The following PDE5A variants were observed in gnomAD, a reference collection of about 807,000 sequenced individuals.
The protein encoded by PDE5A is cGMP-specific 3',5'-cyclic phosphodiesterase.
In PDE5A, 67 loss-of-function variants were observed where a neutral mutation model predicts 110.2. That is an observed-to-expected ratio of 0.61 (90% CI 0.50 to 0.75). The LOEUF is 0.75. PDE5A is among the 30% of genes least tolerant of loss of function. The pLI, the probability that PDE5A is intolerant of heterozygous loss-of-function variation, is 0.00. For synonymous variants in PDE5A, 328 were observed against 351.2 expected (o/e 0.93, Z 0.74); for missense variants, 862 against 1,045.1 (o/e 0.82, Z 2.42).
chr4:119,589,350 T>C (rs577553753), intron 3 of PDE5A, among the ~76,000 whole-genome samples: 1 of 151,930 alleles, frequency 6.6e-6, no homozygotes, highest in Admixed American at 6.6e-5. Context: ...CCACTATAAA[T>C]AAAAAAGAAC....
chr4:119,596,527 T>C lies in PDE5A; in HGVS notation c.827A>G (p.Glu276Gly). The change falls in exon 3 of 21, where the codon GAA becomes GGA. Residue 276 changes from glutamate (E) to glycine (G), a missense_variant. Glu to Gly is a moderately conservative substitution (Grantham distance 98). Coordinates refer to ENST00000354960, the MANE Select transcript of PDE5A (RefSeq NM_001083.4). ...ILCMPIKNHR[E>G]EVVGVAQAIN... ...TAAAATGGAAAATTGGCTTACCTCT[T>C]CCCTATGATTCTTAATTGGCATACA... 1 of 1,570,772 alleles carries C rather than the reference T, an allele frequency of 6.4e-7. No homozygotes were observed. The highest frequency in any genetic ancestry group is 1.2e-5 in the South Asian group (1 of 83,246).
intron 15 of PDE5A, among the ~76,000 whole-genome samples, chr4:119,508,258 G>A (rs989387654): frequency 6.6e-5 from 10 of 152,104 alleles, no homozygotes; most frequent in Admixed American, 2.6e-4. Context: ...GAAAGAAAGC[G>A]TGGGTTGAAA....
chr4:119,502,593 G>C lies in PDE5A; in HGVS notation c.2394C>G (p.Asn798Lys), dbSNP rs1725391419. The C allele has an allele frequency of 1.7e-5, 27 of 1,597,024 alleles. No homozygotes were observed. Among genetic ancestry groups the C allele is most frequent in the Non-Finnish European group, 2.2e-5 (26 of 1,165,314 alleles). The change falls in exon 19 of 21, where the codon AAC becomes AAG. Residue 798 changes from asparagine to lysine, a missense_variant. Coordinates refer to ENST00000354960, the MANE Select transcript of PDE5A (RefSeq NM_001083.4). ...DQGDRERKEL[N>K]IEPTDLMNRE... Reference sequence around the variant, plus strand: ...GTTTCATACTTACAGTGGGTTCTATGTTGAGTTCTTTTCTCTCTCTGTCTC... The same window carrying C: ...GTTTCATACTTACAGTGGGTTCTATCTTGAGTTCTTTTCTCTCTCTGTCTC...
At chr4:119,616,042 T>C (rs1454368831) in intron 1 of PDE5A, among the ~76,000 whole-genome samples, 2 of 152,184 alleles carry the variant, frequency 1.3e-5, no homozygotes, top group Non-Finnish European at 2.9e-5. Flanking sequence ...TCCTACATAT[T>C]TTATTACACA....
intron 14 of PDE5A, among the ~76,000 whole-genome samples, chr4:119,516,812 G>T (rs1173523266): frequency 6.6e-6 from 1 of 152,220 alleles, no homozygotes; most frequent in African/African-American, 2.4e-5. Flanking sequence ...GTAGAGATGG[G>T]GTTTCACCAT....
chr4:119,593,883 C>T (rs548376449), intron 3 of PDE5A, among the ~76,000 whole-genome samples: 1 of 152,238 alleles, frequency 6.6e-6, no homozygotes, highest in East Asian at 1.9e-4. Context: ...GAGAAGCAGA[C>T]ACCTTGGGCG....
rs893382842 is a variant in PDE5A, at chr4:119,580,913, C to T, written c.832-13769G>A. Among the ~76,000 whole-genome samples the T allele has an allele frequency of 5.9e-5, 9 of 152,180 alleles. No homozygotes were observed. In the East Asian group the frequency reaches 7.7e-4, roughly 13 times the overall value. ...CCTTTACACAATACATTGCCAAAAA[C>T]GACTTCAGAGCCCTGGATCTATTTA... On this transcript the variant is annotated intron_variant, in intron 3 of 20. Coordinates refer to ENST00000354960, the MANE Select transcript of PDE5A (RefSeq NM_001083.4).
At chr4:119,516,325 A>G (rs1019558046) in intron 14 of PDE5A, among the ~76,000 whole-genome samples, 4 of 152,228 alleles carry the variant, frequency 2.6e-5, no homozygotes, top group Admixed American at 6.5e-5. Flanking sequence ...TTATACTTCT[A>G]TCACTTTCTT....
At chr4:119,606,297 A>G (rs930997414) in intron 2 of PDE5A, among the ~76,000 whole-genome samples, 8 of 148,900 alleles carry the variant, frequency 5.4e-5, no homozygotes, top group African/African-American at 2.0e-4. Context: ...GAATGAAAAG[A>G]GACTATGAGT....
rs946108158 is a variant in PDE5A, at chr4:119,525,358, G to A, written c.1779+191C>T. Among the ~76,000 whole-genome samples, 1 of 151,872 alleles carries A rather than the reference G, an allele frequency of 6.6e-6. No individual in the cohort carries two copies. Among genetic ancestry groups the A allele is most frequent in the Admixed American group, 6.6e-5 (1 of 15,228 alleles). ...CACCCTGATACTTGATACATGCTAG[G>A]AGCCCATTAAATGTCTTTTTGATAA... On this transcript the variant is annotated intron_variant, in intron 12 of 20. Coordinates refer to ENST00000354960, the MANE Select transcript of PDE5A (RefSeq NM_001083.4). This position sits in a 1 kb window ranked among gnomAD's most constrained non-coding sequence, Gnocchi z 4.3.
At chr4:119,542,707 C>A in intron 9 of PDE5A, 73 bp from the exon 10 acceptor site, 1 of 1,290,574 alleles carries the variant, frequency 7.7e-7, no homozygotes, top group Non-Finnish European at 1.1e-6. Context: ...AACAAACACA[C>A]CCAAAGATTG....
At position 119,603,162 on chromosome 4, in the gene PDE5A, A is replaced by G. The variant is rs146077333; in HGVS notation, c.741+3547T>C. Among the ~76,000 whole-genome samples the G allele has an allele frequency of 4.0e-3, 613 of 152,300 alleles. 12 individuals carry two copies. The East Asian group carries it at 0.046, about 11-fold the overall frequency. On this transcript the variant is annotated intron_variant, in intron 2 of 20. Coordinates refer to ENST00000354960, the MANE Select transcript of PDE5A (RefSeq NM_001083.4). ...AGTTCTGATTATATATCTTACTATT[A>G]ATAGCTTCTTAGTATAAGTGTTAAT...
chr4:119,598,410 C>T (rs1729228188), intron 2 of PDE5A, among the ~76,000 whole-genome samples: 1 of 152,168 alleles, frequency 6.6e-6, no homozygotes, highest in African/African-American at 2.4e-5. Context: ...ACAATGTACT[C>T]AGTGCAAAGA....
At position 119,575,391 on chromosome 4, in the gene PDE5A, C is replaced by G. The variant is rs186479115; in HGVS notation, c.832-8247G>C. 9.3e-3 allele frequency among the ~76,000 whole-genome samples: 1,417 copies of G among 152,276 alleles called. 10 individuals are homozygous for G. The highest frequency in any genetic ancestry group is 0.02 in the Middle Eastern group (6 of 294). ...CTCCAAGACACATAATTGTCAGATT[C>G]ACCGAAGTTAAAATGAAGGAAAAAA... On this transcript the variant is annotated intron_variant, in intron 3 of 20. Coordinates refer to ENST00000354960, the MANE Select transcript of PDE5A (RefSeq NM_001083.4).
At chr4:119,556,478 A>T (rs1727544434) in intron 7 of PDE5A, among the ~76,000 whole-genome samples, 1 of 152,230 alleles carries the variant, frequency 6.6e-6, no homozygotes, top group Admixed American at 6.5e-5. Flanking sequence ...TGTGGAGCAC[A>T]GCTACAGCAC....
chr4:119,565,543 T>G (rs934022539), intron 4 of PDE5A, 133 bp from the exon 5 acceptor site: 1 of 644,912 alleles, frequency 1.6e-6, no homozygotes, highest in Non-Finnish European at 2.8e-6. Flanking sequence ...AAAATTAGGA[T>G]GATATAAACT....
At chr4:119,621,182 A>C (rs1395476703) in intron 1 of PDE5A, among the ~76,000 whole-genome samples, 1 of 152,270 alleles carries the variant, frequency 6.6e-6, no homozygotes, top group Non-Finnish European at 1.5e-5. Flanking sequence ...ACATTAAAAT[A>C]AAAGGAAGTC....
chr4:119,611,201 T>C (rs1729730770), intron 1 of PDE5A, among the ~76,000 whole-genome samples: 1 of 152,220 alleles, frequency 6.6e-6, no homozygotes, highest in Non-Finnish European at 1.5e-5. Flanking sequence ...GTTCTTATCC[T>C]ACATAATTTA....
At chr4:119,614,556 A>G (rs1040083911) in intron 1 of PDE5A, among the ~76,000 whole-genome samples, 16 of 152,148 alleles carry the variant, frequency 1.1e-4, no homozygotes, top group Middle Eastern at 3.2e-3. Flanking sequence ...GAGAGCGCAC[A>G]AAGGACTACC....
Sources: allele counts gnomAD v4.1 joint callset (sites outside exome capture counted in the v4.1 genomes callset), GRCh38; gene constraint gnomAD v4.1.1; non-coding constraint Gnocchi (gnomAD v3.1); transcripts MANE v1.5; gene names NCBI Gene and HGNC (gene_info 2026-07-23, HGNC 2026-07-21).